The following PDE1A variants were observed in gnomAD, a reference collection of about 807,000 sequenced individuals.
The protein encoded by PDE1A is dual specificity calcium/calmodulin-dependent 3',5'-cyclic nucleotide phosphodiesterase 1A.
PDE1A carries 35 observed loss-of-function variants against 61.7 expected under a neutral mutation model. The ratio of observed to expected loss-of-function variants is 0.57; its 90% CI spans 0.43 to 0.75. PDE1A has a LOEUF of 0.75. PDE1A is among the 30% of genes least tolerant of loss of function. PDE1A has a pLI of 0.00. For missense variants in PDE1A, 597 were observed against 630.6 expected (o/e 0.95, Z 0.57); for synonymous variants, 232 against 213.2 (o/e 1.09, Z -0.77).
At chr2:182,671,043 C>A in the PDE1A span, among the ~76,000 whole-genome samples, 12 of 152,032 alleles carry the variant, frequency 7.9e-5, no homozygotes. Flanking sequence ...GTCTCAAACT[C>A]CTGACCCCAA....
the PDE1A span, among the ~76,000 whole-genome samples, chr2:182,646,134 T>C: frequency 6.6e-6 from 1 of 152,230 alleles, no homozygotes; most frequent in East Asian, 1.9e-4. Context: ...GAATATAGGT[T>C]GGATTGGTCA....
the PDE1A span, among the ~76,000 whole-genome samples, chr2:182,640,681 T>C: frequency 6.6e-6 from 1 of 152,060 alleles, no homozygotes; most frequent in Admixed American, 6.6e-5. Flanking sequence ...ACAATTATAT[T>C]CATGAAAGCA....
At chr2:182,426,940 C>A (rs979357066) in exon 1 of PDE1A, 17 of 1,091,408 alleles carry the variant, frequency 1.6e-5, no homozygotes, top group Non-Finnish European at 1.7e-5. Context: ...ACAAAACAAA[C>A]AGAAAACTTC....
At chr2:182,242,528 T>G (rs1401836204) in intron 2 of PDE1A, among the ~76,000 whole-genome samples, 2 of 152,158 alleles carry the variant, frequency 1.3e-5, no homozygotes, top group African/African-American at 4.8e-5. Context: ...CATAGGTAGG[T>G]TATGGTGGCC....
intron 2 of PDE1A, among the ~76,000 whole-genome samples, chr2:182,449,087 A>ACACAC (rs1460786874): frequency 0.23 from 32,522 of 140,354 alleles, 4,362 homozygotes; most frequent in South Asian, 0.36. Context: ...CACACACACA[A>ACACAC]ACAAAACCCA....
At chr2:182,476,697 A>G (rs1480374430) in intron 2 of PDE1A, among the ~76,000 whole-genome samples, 1 of 151,942 alleles carries the variant, frequency 6.6e-6, no homozygotes, top group African/African-American at 2.4e-5. Flanking sequence ...ATTAAATAAC[A>G]CTATTTTTCT....
At chr2:182,166,827 T>C (rs1277939935), downstream of PDE1A, among the ~76,000 whole-genome samples, 1 of 152,216 alleles carries the variant, frequency 6.6e-6, no homozygotes, top group Non-Finnish European at 1.5e-5. Flanking sequence ...CATTATTCAA[T>C]ACTGGACATC....
the PDE1A span, among the ~76,000 whole-genome samples, chr2:182,619,784 A>G: frequency 6.6e-6 from 1 of 152,100 alleles, no homozygotes; most frequent in African/African-American, 2.4e-5. Context: ...AGACTAGGTA[A>G]TTTACAAAGA....
At chr2:182,369,075 T>C (rs1699991678) in intron 1 of PDE1A, among the ~76,000 whole-genome samples, 1 of 152,154 alleles carries the variant, frequency 6.6e-6, no homozygotes, top group Non-Finnish European at 1.5e-5. Flanking sequence ...GGAACCATTG[T>C]ATATATCACC....
chr2:182,426,049 C>T (rs1703600495), intron 1 of PDE1A, among the ~76,000 whole-genome samples: 1 of 152,196 alleles, frequency 6.6e-6, no homozygotes, highest in Non-Finnish European at 1.5e-5. Context: ...ACAGATTCCA[C>T]CACAGTGTAA....
At chr2:182,501,375 T>C (rs1689073509) in intron 2 of PDE1A, among the ~76,000 whole-genome samples, 1 of 152,198 alleles carries the variant, frequency 6.6e-6, no homozygotes, top group Admixed American at 6.5e-5. Flanking sequence ...TGTTTAAGTG[T>C]AACTTCTATT....
chr2:182,547,035 T>G, the PDE1A span, among the ~76,000 whole-genome samples: 2 of 152,212 alleles, frequency 1.3e-5, no homozygotes, highest in Non-Finnish European at 2.9e-5. Flanking sequence ...CTGAAGTTAG[T>G]GCTCCTTCAG....
At chr2:182,430,034 A>G (rs911923100), upstream of PDE1A, among the ~76,000 whole-genome samples, 1 of 152,200 alleles carries the variant, frequency 6.6e-6, no homozygotes, top group African/African-American at 2.4e-5. Context: ...AGTTAAGTGC[A>G]GGAGGGAAAC....
At chr2:182,470,785 A>G (rs2061510246) in intron 2 of PDE1A, among the ~76,000 whole-genome samples, 1 of 151,854 alleles carries the variant, frequency 6.6e-6, no homozygotes, top group African/African-American at 2.4e-5. Flanking sequence ...CATGGAGTGA[A>G]GAGAATCTCA....
intron 2 of PDE1A, among the ~76,000 whole-genome samples, chr2:182,440,831 T>C (rs1166815032): frequency 1.3e-5 from 2 of 152,028 alleles, no homozygotes; most frequent in Non-Finnish European, 2.9e-5. Flanking sequence ...TTGATTTTTC[T>C]GCTCAAGCAC....
chr2:182,350,150 C>T (rs1157282960), intron 1 of PDE1A, among the ~76,000 whole-genome samples: 1 of 152,106 alleles, frequency 6.6e-6, no homozygotes, highest in Non-Finnish European at 1.5e-5. Flanking sequence ...TTTTAAAATG[C>T]ATATACATGA....
intron 1 of PDE1A, among the ~76,000 whole-genome samples, chr2:182,269,059 G>T (rs886476810): frequency 1.3e-5 from 2 of 151,934 alleles, no homozygotes; most frequent in African/African-American, 4.8e-5. Context: ...AATGTTGATT[G>T]TTATTATACA....
At chr2:182,236,749 A>G (rs1690052748) in intron 3 of PDE1A, among the ~76,000 whole-genome samples, 1 of 152,200 alleles carries the variant, frequency 6.6e-6, no homozygotes, top group African/African-American at 2.4e-5. Flanking sequence ...TTATGTCTTT[A>G]GAGCTCTCTG....
intron 2 of PDE1A, among the ~76,000 whole-genome samples, chr2:182,457,308 C>T (rs1330883974): frequency 6.6e-6 from 1 of 151,916 alleles, no homozygotes; most frequent in Non-Finnish European, 1.5e-5. Context: ...AAATTACCTG[C>T]ATATGATATA....
Sources: allele counts gnomAD v4.1 joint callset (sites outside exome capture counted in the v4.1 genomes callset), GRCh38; gene constraint gnomAD v4.1.1; transcripts MANE v1.5; gene names NCBI Gene and HGNC (gene_info 2026-07-23, HGNC 2026-07-21).